GRM7: variants seen among roughly 807,000 people sequenced by gnomAD.
GRM7 encodes metabotropic glutamate receptor 7.
A neutral mutation model predicts 84.5 loss-of-function variants in GRM7; 35 were observed. The ratio of observed to expected loss-of-function variants is 0.41; its 90% CI spans 0.32 to 0.55. The LOEUF (loss-of-function observed/expected upper bound fraction) is 0.55. GRM7 is among the 20% of genes least tolerant of loss of function. The pLI is 0.19. For missense variants in GRM7, 1,003 were observed against 1,194.6 expected (o/e 0.84, Z 2.36); for synonymous variants, 487 against 455.1 (o/e 1.07, Z -0.89).
chr3:6,918,959 A>G (rs1176892972), intron 1 of GRM7, among the ~76,000 whole-genome samples: 1 of 152,316 alleles, frequency 6.6e-6, no homozygotes, highest in South Asian at 2.1e-4. Context: ...GAAGCAGTGG[A>G]TAAATTATTA....
At chr3:7,312,936 CTTTTTTTTTTTTT>C (rs372557190) in intron 4 of GRM7, among the ~76,000 whole-genome samples, 1 of 127,262 alleles carries the variant, frequency 7.9e-6, no homozygotes, top group Admixed American at 8.0e-5. Context: ...TTCTTTTTTT[CTTTTTTTTTTTTT>C]TTTTTATCTC....
At chr3:6,895,017 A>T (rs1304339184) in intron 1 of GRM7, among the ~76,000 whole-genome samples, 1 of 152,160 alleles carries the variant, frequency 6.6e-6, no homozygotes, top group Non-Finnish European at 1.5e-5. Flanking sequence ...GTCTTTATCC[A>T]AGAGGGTTCT....
At chr3:6,990,669 A>G (rs1694601305) in intron 1 of GRM7, among the ~76,000 whole-genome samples, 1 of 152,146 alleles carries the variant, frequency 6.6e-6, no homozygotes. Flanking sequence ...TCTATTCATT[A>G]TCTTCACACT....
intron 8 of GRM7, among the ~76,000 whole-genome samples, chr3:7,592,354 C>T (rs919855673): frequency 1.3e-5 from 2 of 151,956 alleles, no homozygotes; most frequent in African/African-American, 4.8e-5. Context: ...GAGAAGACAA[C>T]CTTTGAACAA....
chr3:7,588,810 A>G (rs1695638948), intron 8 of GRM7, among the ~76,000 whole-genome samples: 1 of 152,154 alleles, frequency 6.6e-6, no homozygotes, highest in Non-Finnish European at 1.5e-5. Flanking sequence ...TTTCCTTCTC[A>G]TATTGCACGC....
chr3:7,026,588 A>T (rs1695990239), intron 1 of GRM7, among the ~76,000 whole-genome samples: 1 of 152,196 alleles, frequency 6.6e-6, no homozygotes, highest in South Asian at 2.1e-4. Flanking sequence ...CGTAAAAGAA[A>T]AACATCTTCC....
chr3:7,299,334 T>A (rs751573033), intron 3 of GRM7, among the ~76,000 whole-genome samples: 11 of 152,180 alleles, frequency 7.2e-5, no homozygotes, highest in African/African-American at 1.2e-4. Context: ...TGGTTCCTTG[T>A]ATTGTTGGCC....
intron 8 of GRM7, among the ~76,000 whole-genome samples, chr3:7,606,576 G>C (rs898895506): frequency 6.6e-6 from 1 of 152,130 alleles, no homozygotes; most frequent in Non-Finnish European, 1.5e-5. Flanking sequence ...TTGTCACCCA[G>C]GCTGGAGTGT....
chr3:7,410,957 G>T (rs1386011482), intron 4 of GRM7, among the ~76,000 whole-genome samples: 1 of 152,140 alleles, frequency 6.6e-6, no homozygotes. Context: ...TTCAGCTGGT[G>T]CCACTGCCCT....
intron 9 of GRM7, among the ~76,000 whole-genome samples, chr3:7,711,476 CCAGTGAGAAGCTGG>C (rs749697136): frequency 3.9e-5 from 6 of 152,082 alleles, no homozygotes; most frequent in Non-Finnish European, 5.9e-5. Context: ...GTCCACTGGT[CCAGTGAGAAGCTGG>C]CAGTGAGAAG....
chr3:7,037,617 G>T (rs1696431299), intron 1 of GRM7, among the ~76,000 whole-genome samples: 1 of 152,164 alleles, frequency 6.6e-6, no homozygotes, highest in Non-Finnish European at 1.5e-5. Flanking sequence ...TTGAGGAACT[G>T]CAAAGAACTT....
intron 8 of GRM7, among the ~76,000 whole-genome samples, chr3:7,663,249 G>A (rs971884722): frequency 2.0e-5 from 3 of 152,168 alleles, no homozygotes; most frequent in African/African-American, 7.2e-5. Context: ...AGACTCAACT[G>A]GTCTCAGCTG....
intron 7 of GRM7, among the ~76,000 whole-genome samples, chr3:7,556,660 A>G (rs921229484): frequency 3.9e-5 from 6 of 152,218 alleles, no homozygotes; most frequent in African/African-American, 1.4e-4. Flanking sequence ...GGCACTTAGC[A>G]AGGAGAATAG....
At chr3:6,890,278 T>C (rs1695880538) in intron 1 of GRM7, among the ~76,000 whole-genome samples, 1 of 152,198 alleles carries the variant, frequency 6.6e-6, no homozygotes, top group African/African-American at 2.4e-5. Flanking sequence ...TGCTAGCTTT[T>C]GAATGTGTTT....
At chr3:7,713,022 C>G (rs1465115353) in intron 9 of GRM7, among the ~76,000 whole-genome samples, 1 of 151,968 alleles carries the variant, frequency 6.6e-6, no homozygotes, top group Non-Finnish European at 1.5e-5. Flanking sequence ...TTAGGGCCCA[C>G]CCTCATCCAG....
intron 2 of GRM7, among the ~76,000 whole-genome samples, chr3:7,293,413 C>G (rs1307804138): frequency 6.6e-6 from 1 of 152,100 alleles, no homozygotes; most frequent in Non-Finnish European, 1.5e-5. Context: ...TTGTATGTAT[C>G]TCTCTTGTAT....
At chr3:7,066,196 G>GA (rs1001108539) in intron 1 of GRM7, among the ~76,000 whole-genome samples, 42 of 151,536 alleles carry the variant, frequency 2.8e-4, no homozygotes, top group Middle Eastern at 3.2e-3. Flanking sequence ...AAATGAAATG[G>GA]AAAAAAACAA....
At chr3:7,432,835 G>A (rs1439767068) in intron 5 of GRM7, among the ~76,000 whole-genome samples, 1 of 152,086 alleles carries the variant, frequency 6.6e-6, no homozygotes, top group Non-Finnish European at 1.5e-5. Context: ...AGAAAATGCA[G>A]CACAGGACAA....
In GRM7 at chr3:7,213,585, T is replaced by C. The variant is rs187320828; in HGVS notation, c.736+66917T>C. Among the ~76,000 whole-genome samples the C allele has an allele frequency of 1.3e-3, 200 of 152,292 alleles. 1 individual carries two copies. The highest frequency in any genetic ancestry group is 3.4e-3 in the Middle Eastern group (1 of 294). ...ACAGATGTATATACAGGAGGTTTAC[T>C]GGGGAGAACTCTGGAAAACATTTGT... On this transcript the variant is annotated intron_variant, in intron 2 of 9. Transcript: ENST00000357716.
Sources: allele counts gnomAD v4.1 joint callset (sites outside exome capture counted in the v4.1 genomes callset), GRCh38; gene constraint gnomAD v4.1.1; transcripts MANE v1.5; gene names NCBI Gene and HGNC (gene_info 2026-07-23, HGNC 2026-07-21).